Variants in FHOD3 observed in about 807,000 individuals in gnomAD.
The protein encoded by FHOD3 is formin homology 2 domain containing 3.
In FHOD3, 90 loss-of-function variants were observed where a neutral mutation model predicts 173.0. That is an observed-to-expected ratio of 0.52 (90% CI 0.44 to 0.62). The LOEUF is 0.62. FHOD3 is among the 20% of genes least tolerant of loss of function. FHOD3 has a pLI of 0.00. For missense variants in FHOD3, 1,945 were observed against 2,034.7 expected (o/e 0.96, Z 0.85); for synonymous variants, 828 against 823.0 (o/e 1.01, Z -0.10).
chr18:36,489,997 G>A (rs550506699), intron 3 of FHOD3, among the ~76,000 whole-genome samples: 18 of 152,320 alleles, frequency 1.2e-4, no homozygotes, highest in African/African-American at 4.1e-4. Flanking sequence ...CCTCGGGGCA[G>A]TTGTACTGCG....
intron 1 of FHOD3, among the ~76,000 whole-genome samples, chr18:36,338,518 T>G (rs1361778703): frequency 1.3e-5 from 2 of 152,212 alleles, no homozygotes; most frequent in Non-Finnish European, 2.9e-5. Flanking sequence ...AGAACCATGA[T>G]GTCCTGCAGG....
intron 23 of FHOD3, among the ~76,000 whole-genome samples, chr18:36,745,232 G>T: frequency 6.6e-6 from 1 of 152,180 alleles, no homozygotes; most frequent in East Asian, 1.9e-4. Context: ...GCACCGAGCA[G>T]GGGACCCTGA....
At chr18:36,689,066 G>A (rs574675372) in intron 16 of FHOD3, among the ~76,000 whole-genome samples, 4 of 152,138 alleles carry the variant, frequency 2.6e-5, no homozygotes, top group African/African-American at 7.2e-5. Flanking sequence ...AAGCAGGCAC[G>A]CATTTTCCTT....
chr18:36,606,701 T>G (rs1300773404), intron 8 of FHOD3, among the ~76,000 whole-genome samples: 1 of 152,144 alleles, frequency 6.6e-6, no homozygotes, highest in Non-Finnish European at 1.5e-5. Flanking sequence ...AAGGCACGAT[T>G]CATCCTGGGG....
chr18:36,602,792 G>A, intron 8 of FHOD3, 24 bp downstream of exon 8: 4 of 1,550,208 alleles, frequency 2.6e-6, no homozygotes, highest in Non-Finnish European at 3.6e-6. Context: ...GTTATGGGTT[G>A]AATTGCGTCA....
chr18:36,414,109 G>A (rs1360378434), intron 3 of FHOD3, among the ~76,000 whole-genome samples: 1 of 152,196 alleles, frequency 6.6e-6, no homozygotes, highest in South Asian at 2.1e-4. Context: ...AACTCAGCAG[G>A]TCCACCTTAT....
At chr18:36,455,382 A>G (rs1314342922) in intron 3 of FHOD3, among the ~76,000 whole-genome samples, 1 of 152,188 alleles carries the variant, frequency 6.6e-6, no homozygotes, top group Non-Finnish European at 1.5e-5. Context: ...GAGTTCTGGG[A>G]TGGGATAGGA....
chr18:36,426,565 C>T (rs2050255833), intron 3 of FHOD3, among the ~76,000 whole-genome samples: 1 of 152,172 alleles, frequency 6.6e-6, no homozygotes. Context: ...TGGGCTCCCC[C>T]TCCATTAACT....
chr18:36,601,475 T>C (rs903046298), intron 7 of FHOD3, among the ~76,000 whole-genome samples: 3 of 152,104 alleles, frequency 2.0e-5, no homozygotes, highest in Non-Finnish European at 4.4e-5. Context: ...TTCTCAGAGA[T>C]CTCCATTCAC....
chr18:36,729,263 G>T (rs180727142), intron 19 of FHOD3, among the ~76,000 whole-genome samples: 29 of 152,288 alleles, frequency 1.9e-4, no homozygotes, highest in Admixed American at 1.4e-3. Context: ...AAGTGTGTTT[G>T]CCTCAAAGGA....
At chr18:36,425,966 T>C (rs1242488694) in intron 3 of FHOD3, among the ~76,000 whole-genome samples, 1 of 151,696 alleles carries the variant, frequency 6.6e-6, no homozygotes, top group African/African-American at 2.4e-5. Flanking sequence ...AGTGGCGCGA[T>C]CTTGGCTCAC....
intron 3 of FHOD3, among the ~76,000 whole-genome samples, chr18:36,481,020 G>GTTTTTTT (rs35793521): frequency 1.1e-4 from 12 of 104,438 alleles, no homozygotes; most frequent in African/African-American, 3.6e-4. Flanking sequence ...TTGGGAGGTG[G>GTTTTTTT]TTTTTTTTTT....
At chr18:36,772,708 G>A (rs1369809618) in intron 28 of FHOD3, among the ~76,000 whole-genome samples, 1 of 152,234 alleles carries the variant, frequency 6.6e-6, no homozygotes, top group Non-Finnish European at 1.5e-5. Flanking sequence ...TAGATTCACA[G>A]GTTCCCATGG....
At chr18:36,298,535 C>T (rs963446011) in intron 1 of FHOD3, among the ~76,000 whole-genome samples, 2 of 152,196 alleles carry the variant, frequency 1.3e-5, no homozygotes, top group African/African-American at 2.4e-5. Flanking sequence ...CCTCCTCCTT[C>T]CCCCGGGGGC....
chr18:36,426,852 G>C (rs1004180497), intron 3 of FHOD3, among the ~76,000 whole-genome samples: 11 of 152,176 alleles, frequency 7.2e-5, no homozygotes, highest in African/African-American at 2.2e-4. Flanking sequence ...AACCCAAAGA[G>C]TGTGCCCTAA....
chr18:36,609,395 T>G (rs1179194233), intron 8 of FHOD3, among the ~76,000 whole-genome samples: 2 of 151,672 alleles, frequency 1.3e-5, no homozygotes, highest in African/African-American at 4.8e-5. Flanking sequence ...TTAAAAGATG[T>G]ATAGCACCCT....
intron 1 of FHOD3, among the ~76,000 whole-genome samples, chr18:36,350,910 T>C (rs2145678735): frequency 6.6e-6 from 1 of 152,354 alleles, no homozygotes; most frequent in South Asian, 2.1e-4. Context: ...ATTAAAATAA[T>C]AACTAAACAT....
chr18:36,600,785 G>A (rs1004892123), intron 7 of FHOD3, among the ~76,000 whole-genome samples: 7 of 152,076 alleles, frequency 4.6e-5, no homozygotes, highest in African/African-American at 9.7e-5. Context: ...GACCTGTTTC[G>A]CATCTTTGGC....
At chr18:36,561,121 T>C (rs2058068748) in intron 5 of FHOD3, among the ~76,000 whole-genome samples, 1 of 152,196 alleles carries the variant, frequency 6.6e-6, no homozygotes, top group Non-Finnish European at 1.5e-5. Flanking sequence ...GAATTTATGG[T>C]CTGAAGTATT....
Sources: gnomAD v4.1 joint callset for allele counts (sites outside exome capture counted in the v4.1 genomes callset) on GRCh38, gnomAD v4.1.1 for gene constraint, MANE v1.5 for transcripts, NCBI Gene and HGNC (gene_info 2026-07-23, HGNC 2026-07-21) for gene names.